Variants in CLCN4 observed in about 807,000 individuals in gnomAD.
CLCN4 encodes Cl-/H+ antiporter 4.
A neutral mutation model predicts 41.7 loss-of-function variants in CLCN4; 1 was observed. That is an observed-to-expected ratio of 0.02 (90% CI 0.01 to 0.11). The LOEUF is 0.11. Among genes scored for constraint, CLCN4 ranks in the 10% least tolerant of loss-of-function variants. The probability of loss-of-function intolerance (pLI) is 1.00; values close to 1 mark genes in which losing one functional copy is unlikely to be tolerated. For synonymous variants in CLCN4, 277 were observed against 285.8 expected (o/e 0.97, Z 0.31); for missense variants, 287 against 661.0 (o/e 0.43, Z 6.20).
Position 10,195,028 on chromosome X carries a change from C to A in CLCN4, c.362C>A (p.Thr121Asn). Residue 121 changes from threonine to asparagine, a missense_variant, in exon 5 of 13, where the codon ACC (threonine) becomes AAC (asparagine). This residue lies in a region of CLCN4 where 90 missense variants were observed against 209.8 expected (regional missense o/e 0.43). Coordinates refer to ENST00000380833, the MANE Select transcript of CLCN4 (RefSeq NM_001830.4). ...CAGTGTTGCTGGACTTCTAACGAGA[C>A]CACTTTTGAGGACAGAGACAAGTGT... ...HEQCCWTSNE[T>N]TFEDRDKCPL... The A allele has an allele frequency of 2.5e-6, 3 of 1,211,605 alleles. No homozygotes were observed. Among genetic ancestry groups the A allele is most frequent in the Non-Finnish European group, 3.4e-6 (3 of 895,437 alleles).
chrX:10,214,853 G>C (rs766097023), intron 11 of CLCN4, among the ~76,000 whole-genome samples: 2 of 111,381 alleles, frequency 1.8e-5, no homozygotes, highest in Non-Finnish European at 3.8e-5. Context: ...GTAAACAGGA[G>C]GTAGGAGAAT....
chrX:10,228,165 A>G (rs902687178), intron 12 of CLCN4, among the ~76,000 whole-genome samples: 1 of 110,909 alleles, frequency 9.0e-6, no homozygotes, highest in African/African-American at 3.3e-5. Flanking sequence ...ACTATCAAAT[A>G]CTAGATCGTA....
At chrX:10,182,378 C>T (rs1007940696) in intron 2 of CLCN4, among the ~76,000 whole-genome samples, 1 of 112,835 alleles carries the variant, frequency 8.9e-6, no homozygotes, top group African/African-American at 3.2e-5. Flanking sequence ...CCAAAGTTGG[C>T]TGATCTTGGC....
chrX:10,181,983 A>G (rs1468435340), intron 2 of CLCN4, among the ~76,000 whole-genome samples: 1 of 111,947 alleles, frequency 8.9e-6, no homozygotes, highest in Non-Finnish European at 1.9e-5. Flanking sequence ...ACCTACTGAT[A>G]CTTTTTTGCC....
chrX:10,204,611 G>GTTTTTTTTTTTTTTTTTT (rs1307394281), intron 6 of CLCN4, among the ~76,000 whole-genome samples: 1 of 19,685 alleles, frequency 5.1e-5, no homozygotes, highest in Non-Finnish European at 1.1e-4. Context: ...AAAGCTAGTA[G>GTTTTTTTTTTTTTTTTTT]TCTTTTTTTT....
chrX:10,173,807 C>G (rs1923447050), intron 2 of CLCN4, among the ~76,000 whole-genome samples: 1 of 111,932 alleles, frequency 8.9e-6, no homozygotes, highest in African/African-American at 3.3e-5. Flanking sequence ...GTGACGTAAG[C>G]TGGGAAAGAA....
chrX:10,228,735 T>C (rs978998052), intron 12 of CLCN4, among the ~76,000 whole-genome samples: 12 of 111,845 alleles, frequency 1.1e-4, no homozygotes, highest in Non-Finnish European at 3.8e-5. Context: ...TGATTTGTTA[T>C]GAATTGTGGG....
At chrX:10,172,189 G>T (rs1923399986) in intron 2 of CLCN4, among the ~76,000 whole-genome samples, 1 of 112,158 alleles carries the variant, frequency 8.9e-6, no homozygotes, top group Admixed American at 9.4e-5. Flanking sequence ...TCATTCAAGG[G>T]ACAAGGGAGT....
At chrX:10,199,901 G>A (rs1352189997) in intron 6 of CLCN4, among the ~76,000 whole-genome samples, 7 of 110,447 alleles carry the variant, frequency 6.3e-5, no homozygotes, top group Non-Finnish European at 1.1e-4. Flanking sequence ...TGGGGTTGCG[G>A]ATGTGTACCA....
At chrX:10,217,856 C>CTT (rs1924767694) in intron 11 of CLCN4, among the ~76,000 whole-genome samples, 2 of 110,401 alleles carry the variant, frequency 1.8e-5, no homozygotes, top group South Asian at 7.9e-4. Context: ...AATTCTCCTG[C>CTT]CTCAGCCTCC....
chrX:10,181,566 C>T (rs756082948), intron 2 of CLCN4, among the ~76,000 whole-genome samples: 44 of 111,039 alleles, frequency 4.0e-4, no homozygotes, highest in African/African-American at 1.2e-3. Flanking sequence ...TTCAAAGATA[C>T]GGGTTTCTAC....
intron 6 of CLCN4, among the ~76,000 whole-genome samples, chrX:10,202,260 G>A (rs190827240): frequency 1.8e-5 from 2 of 111,337 alleles, no homozygotes; most frequent in South Asian, 3.7e-4. Context: ...GATCACTTGA[G>A]GCCAGAAATT....
intron 11 of CLCN4, among the ~76,000 whole-genome samples, chrX:10,219,633 A>G (rs184733170): frequency 8.9e-6 from 1 of 112,154 alleles, no homozygotes; most frequent in African/African-American, 3.2e-5. Flanking sequence ...AGAGTACTCT[A>G]TTGCACTAAA....
At chrX:10,233,234 T>A (rs746386923) in intron 12 of CLCN4, among the ~76,000 whole-genome samples, 1 of 112,311 alleles carries the variant, frequency 8.9e-6, no homozygotes, top group South Asian at 3.7e-4. Flanking sequence ...CTCAGAGCCC[T>A]TCACTGGCTC....
chrX:10,206,865 G>A, intron 8 of CLCN4, 89 bp downstream of exon 8: 1 of 637,676 alleles, frequency 1.6e-6, no homozygotes, highest in Non-Finnish European at 2.4e-6. Context: ...TAAGATTCCG[G>A]CAGTTAATTA....
At chrX:10,158,250 C>G (rs1314353702) in intron 1 of CLCN4, 39 bp from the exon 2 acceptor site, 2 of 288,210 alleles carry the variant, frequency 6.9e-6, no homozygotes, top group African/African-American at 5.5e-5. Context: ...ATTTGGATTT[C>G]TCCTCCTGTG....
At chrX:10,215,280 C>G (rs1404471576) in intron 11 of CLCN4, among the ~76,000 whole-genome samples, 1 of 112,007 alleles carries the variant, frequency 8.9e-6, no homozygotes, top group African/African-American at 3.2e-5. Context: ...AAACCTCTTC[C>G]CAGTGTTACA....
intron 6 of CLCN4, among the ~76,000 whole-genome samples, chrX:10,201,885 A>G (rs1404711558): frequency 8.9e-6 from 1 of 112,020 alleles, no homozygotes; most frequent in Non-Finnish European, 1.9e-5. Flanking sequence ...AGGTGGGAGG[A>G]TTGCTTGAGG....
In CLCN4 at chrX:10,194,030, A is replaced by G. The variant is rs768373268; in HGVS notation, c.245-881A>G. Reference sequence around the variant, plus strand: ...GAGGTTGAAGATACAGGAGAAGGAAAGGGGAATGGGAAGAACGAGGCCCCA... The same window carrying G: ...GAGGTTGAAGATACAGGAGAAGGAAGGGGGAATGGGAAGAACGAGGCCCCA... On this transcript the variant is annotated intron_variant, in intron 4 of 12. Transcript: ENST00000380833. Among the ~76,000 whole-genome samples the G allele has an allele frequency of 3.7e-3, 405 of 109,051 alleles. 1 individual carries two copies. The highest frequency in any genetic ancestry group is 6.0e-3 in the Non-Finnish European group (316 of 52,432). The allele number at this position is 109,051 out of a possible 115,157, so 94.7% of individuals were successfully genotyped here.
Sources: gnomAD v4.1 joint callset for allele counts (sites outside exome capture counted in the v4.1 genomes callset) on GRCh38, gnomAD v4.1.1 for gene constraint, gnomAD v4.1.1 regional missense constraint, MANE v1.5 for transcripts, NCBI Gene and HGNC (gene_info 2026-07-23, HGNC 2026-07-21) for gene names.